FERMT3: variants seen among roughly 807,000 people sequenced by gnomAD.
FERMT3 encodes fermitin family homolog 3.
Under a neutral mutation model 80.8 loss-of-function variants are expected in FERMT3, and 33 were observed. The observed-to-expected ratio is 0.41, with a 90% CI of 0.31 to 0.55. The LOEUF is 0.55. Among genes scored for constraint, FERMT3 ranks in the 20% least tolerant of loss-of-function variants. The pLI is 0.31. For synonymous variants in FERMT3, 375 were observed against 372.2 expected (o/e 1.01, Z -0.09); for missense variants, 754 against 908.7 (o/e 0.83, Z 2.19).
chr11:64,206,484 G>T (rs931918749), upstream of FERMT3, among the ~76,000 whole-genome samples: 1 of 152,246 alleles, frequency 6.6e-6, no homozygotes, highest in Non-Finnish European at 1.5e-5. Flanking sequence ...CACAGCCGGG[G>T]GACTTGTTGA....
Position 64,223,581 on chromosome 11 carries a change from C to T in FERMT3, c.*89C>T. 2 of 1,457,180 alleles carry T rather than the reference C, an allele frequency of 1.4e-6. No individual in the cohort carries two copies. The highest frequency in any genetic ancestry group is 1.9e-6 in the Non-Finnish European group (2 of 1,074,650). 90.3% of individuals were successfully genotyped at this position (1,457,180 alleles called of 1,614,324 possible). A position where few individuals can be genotyped will look rare whatever the true frequency, so the allele number is the denominator to read the frequency against. ...ACAGGGGCTCACTGCCCCACACCCG[C>T]TCCAGGCAGGCACCCAGCTGGGCAT... is the stretch of plus-strand genomic sequence containing the variant. On this transcript the variant is annotated 3_prime_UTR_variant, in exon 15 of 15. Transcript: ENST00000345728.
chr11:64,214,904 G>A (rs1219084952), intron 6 of FERMT3, among the ~76,000 whole-genome samples: 6 of 151,102 alleles, frequency 4.0e-5, no homozygotes, highest in Non-Finnish European at 5.9e-5. Context: ...CTGGGTTCAC[G>A]CGATTCTCCT....
intron 6 of FERMT3, among the ~76,000 whole-genome samples, chr11:64,216,444 C>G (rs1397137812): frequency 6.7e-6 from 1 of 149,342 alleles, no homozygotes; most frequent in African/African-American, 2.4e-5. Flanking sequence ...CGTGATCTGC[C>G]CGCTTCAGCC....
chr11:64,223,605 A>G lies in FERMT3; in HGVS notation c.*113A>G. The G allele has an allele frequency of 3.1e-6, 4 of 1,272,014 alleles. No homozygotes were observed. Among genetic ancestry groups the G allele is most frequent in the Non-Finnish European group, 4.4e-6 (4 of 909,022 alleles). 78.8% of individuals were successfully genotyped at this position (1,272,014 alleles called of 1,614,324 possible). On this transcript the variant is annotated 3_prime_UTR_variant, in exon 15 of 15. Coordinates refer to ENST00000345728, the MANE Select transcript of FERMT3 (RefSeq NM_031471.6). ...GCTCCAGGCAGGCACCCAGCTGGGC[A>G]TTTCACCTGCTGTCACTGACTTTGT... is the stretch of plus-strand genomic sequence containing the variant.
At position 64,210,767 on chromosome 11, in the gene FERMT3, A is replaced by G; in HGVS notation, c.317A>G (p.Asn106Ser). ...CGGCCCGTCATCCTTCGGTTGCCCA[A>G]CCGCCGCGCACTGCGCCTCCGTGCC... ...QHRPVILRLP[N>S]RRALRLRASF... Residue 106 changes from asparagine (N) to serine (S), a missense_variant, in exon 3 of 15, where the codon AAC (asparagine) becomes AGC (serine). Coordinates refer to ENST00000345728, the MANE Select transcript of FERMT3 (RefSeq NM_031471.6). The surrounding 1 kb of genome is among the most constrained non-coding windows in gnomAD (Gnocchi z 4.3). 1 of 1,614,048 alleles carries G rather than the reference A, an allele frequency of 6.2e-7. No individual in the cohort carries two copies. The highest frequency in any genetic ancestry group is 8.5e-7 in the Non-Finnish European group (1 of 1,180,000).
intron 6 of FERMT3, among the ~76,000 whole-genome samples, chr11:64,212,436 G>A (rs1262597646): frequency 6.6e-6 from 1 of 152,080 alleles, no homozygotes; most frequent in Non-Finnish European, 1.5e-5. Flanking sequence ...GGTGCTGTTC[G>A]ACTCCCTCTC....
rs1247066380 is a variant in FERMT3 at position 64,220,424 on chromosome 11, C to G, written c.1312-12C>G. ...CTTGGTTAGCACTGTCCCCCTCACC[C>G]CTCTCGCCCAGGAGCAGCAGTATGC... On this transcript the variant is annotated splice_polypyrimidine_tract_variant and intron_variant, in intron 11 of 14. Coordinates refer to ENST00000345728, the MANE Select transcript of FERMT3 (RefSeq NM_031471.6). 6.2e-7 allele frequency: 1 copy of G among 1,610,684 alleles called. No individual in the cohort carries two copies. The highest frequency in any genetic ancestry group is 1.7e-5 in the Admixed American group (1 of 59,960).
At position 64,211,763 on chromosome 11, in the gene FERMT3, G is replaced by A. The variant is rs753096061; in HGVS notation, c.786+16G>A. The A allele has an allele frequency of 2.9e-5, 46 of 1,613,214 alleles. 1 individual carries two copies. In the South Asian group the frequency reaches 5.1e-4, roughly 18 times the overall value. On this transcript the variant is annotated intron_variant, in intron 6 of 14. Coordinates refer to ENST00000345728, the MANE Select transcript of FERMT3 (RefSeq NM_031471.6). This position sits in a 1 kb window ranked among gnomAD's most constrained non-coding sequence, Gnocchi z 4.7. ...GGATCCCAAGGTGGGTCGGGGCAGG[G>A]AGAAAGCGGGCCTCAGGTCCATGAG...
chr11:64,220,063 G>C, intron 10 of FERMT3, 48 bp downstream of exon 10: 2 of 1,610,008 alleles, frequency 1.2e-6, no homozygotes, highest in Non-Finnish European at 1.7e-6. Context: ...CCACTTGTGG[G>C]CTAGGCAGGT....
chr11:64,211,516 C>T lies in FERMT3; in HGVS notation c.683+73C>T. On this transcript the variant is annotated intron_variant, in intron 5 of 14. Transcript: ENST00000345728. This position sits in a 1 kb window ranked among gnomAD's most constrained non-coding sequence, Gnocchi z 4.7. ...ATCCACCCCCTGTCCCGTGTCTGTG[C>T]CCACCCCAGATCCACACTTCGTTTC... is the stretch of plus-strand genomic sequence containing the variant. 6.6e-7 allele frequency: 1 copy of T among 1,504,782 alleles called. No homozygotes were observed. Among genetic ancestry groups the T allele is most frequent in the Non-Finnish European group, 8.9e-7 (1 of 1,120,774 alleles). The allele number at this position is 1,504,782 out of a possible 1,614,324, so 93.2% of individuals were successfully genotyped here. A position where few individuals can be genotyped will look rare whatever the true frequency, so the allele number is the denominator to read the frequency against.
chr11:64,207,709 T>G, intron 2 of FERMT3, 185 bp downstream of exon 2: 1 of 645,186 alleles, frequency 1.5e-6, no homozygotes. Flanking sequence ...TCCCACCCTC[T>G]TCCCTCCCTC....
chr11:64,220,838 C>CG, intron 12 of FERMT3, 169 bp downstream of exon 12: 1 of 1,326,772 alleles, frequency 7.5e-7, no homozygotes, highest in Non-Finnish European at 1.1e-6. Context: ...AGTCACGGTC[C>CG]AGGTGCCCAT....
Position 64,219,760 on chromosome 11 carries a change from A to G in FERMT3, c.1050A>G (p.Pro350=), listed in dbSNP as rs2134881613. 1.2e-6 allele frequency: 2 copies of G among 1,614,036 alleles called. No homozygotes were observed. Among genetic ancestry groups the G allele is most frequent in the Non-Finnish European group, 1.7e-6 (2 of 1,180,000 alleles). ...CATAGGACAGCCTCACCACCATCCCAGAGCTCAAGGACCATCTCCGAATCT... is the reference window on the plus strand; with the variant it reads ...CATAGGACAGCCTCACCACCATCCCGGAGCTCAAGGACCATCTCCGAATCT... ...TDVLDSLTTI[P]ELKDHLRIFR... The change falls in exon 9 of 15, where the codon CCA becomes CCG. Residue 350 remains proline, a synonymous_variant. Coordinates refer to ENST00000345728, the MANE Select transcript of FERMT3 (RefSeq NM_031471.6). This position sits in a 1 kb window ranked among gnomAD's most constrained non-coding sequence, Gnocchi z 4.0.
intron 1 of FERMT3, among the ~76,000 whole-genome samples, 181 bp from the exon 2 acceptor site, chr11:64,207,170 G>A (rs1224114645): frequency 1.3e-5 from 2 of 152,222 alleles, no homozygotes; most frequent in African/African-American, 4.8e-5. Context: ...CGCGGCTCAA[G>A]CGCCAGCGCT....
chr11:64,210,133 C>T lies in FERMT3; in HGVS notation c.161-478C>T, dbSNP rs1267089046. Reference sequence around the variant, plus strand: ...AAGTGGCTTGTCCAAGGTCACACAGCTAATAGCTAAAAATATTGAGTGCTC... The same window carrying T: ...AAGTGGCTTGTCCAAGGTCACACAGTTAATAGCTAAAAATATTGAGTGCTC... On this transcript the variant is annotated intron_variant, in intron 2 of 14. Transcript: ENST00000345728. The surrounding 1 kb of genome is among the most constrained non-coding windows in gnomAD (Gnocchi z 4.3). Among the ~76,000 whole-genome samples the T allele has an allele frequency of 6.6e-6, 1 of 152,188 alleles. No individual in the cohort carries two copies. The highest frequency in any genetic ancestry group is 1.5e-5 in the Non-Finnish European group (1 of 68,036).
chr11:64,212,042 A>T lies in FERMT3; in HGVS notation c.786+295A>T, dbSNP rs144756915. On this transcript the variant is annotated intron_variant, in intron 6 of 14. Transcript: ENST00000345728. Reference sequence around the variant, plus strand: ...AGGAAGCTAAGACCCACAGATCCTCATAGACAGTGTGTGTGTGGGTGCCCC... The same window carrying T: ...AGGAAGCTAAGACCCACAGATCCTCTTAGACAGTGTGTGTGTGGGTGCCCC... Among the ~76,000 whole-genome samples, 15 of 152,334 alleles carry T rather than the reference A, an allele frequency of 9.8e-5. No homozygotes were observed. The East Asian group carries it at 2.1e-3, about 22-fold the overall frequency.
rs1329509878 is a variant in FERMT3, at chr11:64,210,252, A to C, written c.161-359A>C. On this transcript the variant is annotated intron_variant, in intron 2 of 14. Coordinates refer to ENST00000345728, the MANE Select transcript of FERMT3 (RefSeq NM_031471.6). This position sits in a 1 kb window ranked among gnomAD's most constrained non-coding sequence, Gnocchi z 4.3. ...CTCCAGGAGCTCCCCAGAATGCAAG[A>C]CAGAGGCTGTTAAACCGTGGATTAT... is the stretch of plus-strand genomic sequence containing the variant. Among the ~76,000 whole-genome samples, 2 of 152,162 alleles carry C rather than the reference A, an allele frequency of 1.3e-5. No homozygotes were observed. Among genetic ancestry groups the C allele is most frequent in the Non-Finnish European group, 2.9e-5 (2 of 68,024 alleles).
At position 64,210,510 on chromosome 11, in the gene FERMT3, AG is replaced by A; in HGVS notation, c.161-97del. The stretch of plus-strand genomic sequence containing the variant: ...GCCCCACTCTTGGCTTAGGCAGGGC[AG>A]GGGAGTGGTCGCCCCAGGCTTCTGA... On this transcript the variant is annotated intron_variant, in intron 2 of 14. Transcript: ENST00000345728. This position sits in a 1 kb window ranked among gnomAD's most constrained non-coding sequence, Gnocchi z 4.3. 1 of 1,200,800 alleles carries A rather than the reference AG, an allele frequency of 8.3e-7. No individual in the cohort carries two copies. Among genetic ancestry groups the A allele is most frequent in the South Asian group, 1.3e-5 (1 of 76,196 alleles). 74.4% of individuals were successfully genotyped at this position (1,200,800 alleles called of 1,614,324 possible).
chr11:64,213,699 A>G (rs980259381), intron 6 of FERMT3, among the ~76,000 whole-genome samples: 1 of 150,884 alleles, frequency 6.6e-6, no homozygotes, highest in African/African-American at 2.4e-5. Context: ...CTGGGATTAC[A>G]GGCGTTGAGC....
Sources: allele counts gnomAD v4.1 joint callset (sites outside exome capture counted in the v4.1 genomes callset), GRCh38; gene constraint gnomAD v4.1.1; non-coding constraint Gnocchi (gnomAD v3.1); transcripts MANE v1.5; gene names NCBI Gene and HGNC (gene_info 2026-07-23, HGNC 2026-07-21).